LDLRAD4: variants seen among roughly 807,000 people sequenced by gnomAD.
LDLRAD4 encodes low density lipoprotein receptor class A domain containing 4.
In LDLRAD4, 5 loss-of-function variants were observed where a neutral mutation model predicts 17.0. That is an observed-to-expected ratio of 0.29 (90% CI 0.15 to 0.62). LDLRAD4 has a LOEUF of 0.62. Ranked by LOEUF, LDLRAD4 falls within the 20% of genes least tolerant of loss-of-function variation. The pLI is 0.84. For synonymous variants in LDLRAD4, 168 were observed against 171.8 expected, an observed-to-expected ratio of 0.98 and a Z score of 0.17; for missense variants, 340 against 424.7, an observed-to-expected ratio of 0.80 and a Z score of 1.75.
At chr18:13,278,554 T>C (rs1296032553) in intron 1 of LDLRAD4, among the ~76,000 whole-genome samples, 1 of 152,214 alleles carries the variant, frequency 6.6e-6, no homozygotes, top group Non-Finnish European at 1.5e-5. Flanking sequence ...ATTTTAGTGA[T>C]GCTTATTCTG....
At chr18:13,324,122 A>T (rs959961951) in intron 1 of LDLRAD4, among the ~76,000 whole-genome samples, 1 of 149,922 alleles carries the variant, frequency 6.7e-6, no homozygotes, top group Non-Finnish European at 1.5e-5. Context: ...TCCATTAACC[A>T]TCTTGAGTTC....
intron 3 of LDLRAD4, among the ~76,000 whole-genome samples, chr18:13,580,752 C>T (rs2094845272): frequency 6.6e-6 from 1 of 152,204 alleles, no homozygotes; most frequent in South Asian, 2.1e-4. Flanking sequence ...AGCCACAGGT[C>T]TAGGAATCTG....
At chr18:13,559,040 A>G (rs1268425221) in intron 3 of LDLRAD4, among the ~76,000 whole-genome samples, 1 of 152,172 alleles carries the variant, frequency 6.6e-6, no homozygotes, top group Non-Finnish European at 1.5e-5. Context: ...GCACCCCAGA[A>G]TGTAGTACCC....
At position 13,367,631 on chromosome 18, in the gene LDLRAD4, C is replaced by A. The variant is rs1272079822; in HGVS notation, c.-382-19710C>A. Among the ~76,000 whole-genome samples, 2 of 152,176 alleles carry A rather than the reference C, an allele frequency of 1.3e-5. No individual in the cohort carries two copies. Among genetic ancestry groups the A allele is most frequent in the Non-Finnish European group, 2.9e-5 (2 of 68,030 alleles). ...GGCTGAGAGGGTGGGCAAGCAGCTG[C>A]AGGGCCAGGTAGCCCCATCTGCTGT... On this transcript the variant is annotated intron_variant, in intron 1 of 5. Transcript: ENST00000359446. This position sits in a 1 kb window ranked among gnomAD's most constrained non-coding sequence, Gnocchi z 4.1.
intron 1 of LDLRAD4, among the ~76,000 whole-genome samples, chr18:13,368,279 AG>A (rs769358591): frequency 6.6e-6 from 1 of 152,018 alleles, no homozygotes; most frequent in Non-Finnish European, 1.5e-5. Context: ...TGAGCTAAGG[AG>A]GAAGAAGGAA....
chr18:13,304,453 G>A (rs1440092854), intron 1 of LDLRAD4, among the ~76,000 whole-genome samples: 1 of 152,182 alleles, frequency 6.6e-6, no homozygotes, highest in Admixed American at 6.5e-5. Flanking sequence ...GGCCTGGCTT[G>A]GTCAGAATGG....
At chr18:13,267,493 G>T (rs922445918) in intron 1 of LDLRAD4, among the ~76,000 whole-genome samples, 1 of 152,226 alleles carries the variant, frequency 6.6e-6, no homozygotes, top group Non-Finnish European at 1.5e-5. Context: ...CTGCCCAGGG[G>T]CATAGCCTGT....
exon 6 of LDLRAD4, chr18:13,650,568 C>T (rs1036290073): frequency 3.3e-5 from 13 of 394,056 alleles, no homozygotes; most frequent in Non-Finnish European, 5.4e-5. Flanking sequence ...ACTTGATGCT[C>T]CCACCTTTGT....
At chr18:13,531,060 CT>C (rs1356661134) in intron 3 of LDLRAD4, among the ~76,000 whole-genome samples, 1 of 152,190 alleles carries the variant, frequency 6.6e-6, no homozygotes, top group African/African-American at 2.4e-5. Flanking sequence ...GGTCCGCTTG[CT>C]GGCTGTTCCT....
intron 1 of LDLRAD4, among the ~76,000 whole-genome samples, chr18:13,309,434 T>C (rs1263693992): frequency 3.9e-5 from 6 of 152,220 alleles, no homozygotes; most frequent in Admixed American, 2.6e-4. Context: ...AATTATTAGA[T>C]GTGCCAAGCC....
intron 2 of LDLRAD4, among the ~76,000 whole-genome samples, chr18:13,401,422 A>C (rs2087183424): frequency 2.0e-5 from 3 of 150,926 alleles, no homozygotes; most frequent in African/African-American, 7.3e-5. Flanking sequence ...TCACCACAGT[A>C]GAAGGGCTTT....
intron 1 of LDLRAD4, among the ~76,000 whole-genome samples, chr18:13,248,282 G>C (rs747585980): frequency 6.6e-6 from 1 of 152,232 alleles, no homozygotes; most frequent in Admixed American, 6.5e-5. Flanking sequence ...TTTTTGAGCT[G>C]TGATTGTAAG....
chr18:13,643,665 C>T (rs576227732), intron 5 of LDLRAD4, among the ~76,000 whole-genome samples: 6 of 152,332 alleles, frequency 3.9e-5, no homozygotes, highest in African/African-American at 1.4e-4. Flanking sequence ...TTTACATGAT[C>T]CCGTAAGCTT....
chr18:13,350,242 T>C (rs9957817), intron 1 of LDLRAD4, among the ~76,000 whole-genome samples: 13,060 of 152,228 alleles, frequency 0.086, 1,589 homozygotes, highest in African/African-American at 0.27. Flanking sequence ...TTTACATTTC[T>C]ACCATCAGTG....
chr18:13,427,659 T>G (rs1196568655), intron 2 of LDLRAD4, among the ~76,000 whole-genome samples: 4 of 152,186 alleles, frequency 2.6e-5, no homozygotes, highest in Non-Finnish European at 5.9e-5. Context: ...GCCAGATGAC[T>G]GGGTAGGGAC....
At chr18:13,588,968 G>A (rs1456983197) in intron 3 of LDLRAD4, among the ~76,000 whole-genome samples, 6 of 138,754 alleles carry the variant, frequency 4.3e-5, no homozygotes, top group Admixed American at 1.6e-4. Flanking sequence ...TCGCTCTGTC[G>A]CCCAGGCTGG....
At chr18:13,590,532 C>G (rs1199995574) in intron 3 of LDLRAD4, among the ~76,000 whole-genome samples, 3 of 152,230 alleles carry the variant, frequency 2.0e-5, no homozygotes, top group African/African-American at 7.2e-5. Context: ...GCCAGCTCTG[C>G]TGCAACCCCT....
At chr18:13,521,861 C>G (rs532842208) in intron 3 of LDLRAD4, 2 of 148,586 alleles carry the variant, frequency 1.3e-5, no homozygotes, top group African/African-American at 2.5e-5. Flanking sequence ...ATCTAGTAGC[C>G]GTCTCTGTTT....
intron 1 of LDLRAD4, among the ~76,000 whole-genome samples, chr18:13,271,718 C>T (rs2044556294): frequency 1.3e-5 from 2 of 152,106 alleles, no homozygotes; most frequent in African/African-American, 2.4e-5. Context: ...GGCCTCTGAA[C>T]TTTGCTGCCT....
Sources: gnomAD v4.1 joint callset for allele counts (sites outside exome capture counted in the v4.1 genomes callset) on GRCh38, gnomAD v4.1.1 for gene constraint, Gnocchi (gnomAD v3.1) non-coding constraint, MANE v1.5 for transcripts, NCBI Gene and HGNC (gene_info 2026-07-23, HGNC 2026-07-21) for gene names.